OSBPL9: variants seen among roughly 807,000 people sequenced by gnomAD.
OSBPL9 encodes the protein oxysterol-binding protein-related protein 9.
OSBPL9 carries 40 observed loss-of-function variants against 106.6 expected under a neutral mutation model. The observed-to-expected ratio is 0.38, with a 90% CI of 0.29 to 0.49. The LOEUF is 0.49. Among genes scored for constraint, OSBPL9 ranks in the 20% least tolerant of loss-of-function variants. OSBPL9 has a pLI of 0.97. For missense variants in OSBPL9, 609 were observed against 887.2 expected, an observed-to-expected ratio of 0.69 and a Z score of 3.98; for synonymous variants, 269 against 295.4, an observed-to-expected ratio of 0.91 and a Z score of 0.92.
At chr1:51,615,390 C>T (rs187671477), upstream of OSBPL9, among the ~76,000 whole-genome samples, 26 of 152,328 alleles carry the variant, frequency 1.7e-4, no homozygotes, top group African/African-American at 6.0e-4. Flanking sequence ...GATAAAGTAT[C>T]TCTGCTAGTA....
chr1:51,531,550 A>G, the OSBPL9 span, among the ~76,000 whole-genome samples: 1 of 152,216 alleles, frequency 6.6e-6, no homozygotes. Context: ...ATTTTGCCTG[A>G]GCAACTGGAT....
the OSBPL9 span, among the ~76,000 whole-genome samples, chr1:51,556,081 C>G: frequency 6.7e-6 from 1 of 149,196 alleles, no homozygotes; most frequent in Non-Finnish European, 1.5e-5. Context: ...TGATCTCGGG[C>G]AAGTTTGCTC....
At chr1:51,617,681 G>C (rs1340829669) in intron 1 of OSBPL9, among the ~76,000 whole-genome samples, 1 of 152,124 alleles carries the variant, frequency 6.6e-6, no homozygotes, top group African/African-American at 2.4e-5. Context: ...CGGAGGAGTG[G>C]CCAGAGGAGC....
At chr1:51,711,793 G>T (rs554791497) in intron 3 of OSBPL9, among the ~76,000 whole-genome samples, 2 of 150,000 alleles carry the variant, frequency 1.3e-5, no homozygotes, top group Non-Finnish European at 3.0e-5. Flanking sequence ...GGGCAGAGGC[G>T]CTCCCCACAT....
chr1:51,685,566 G>C (rs529443509), intron 3 of OSBPL9, among the ~76,000 whole-genome samples: 194 of 152,082 alleles, frequency 1.3e-3, no homozygotes, highest in African/African-American at 4.3e-3. Context: ...CCACCACACC[G>C]TCTAATTTTT....
At chr1:51,595,580 G>C (rs1016620604) in intron 1 of OSBPL9, among the ~76,000 whole-genome samples, 4 of 152,190 alleles carry the variant, frequency 2.6e-5, no homozygotes, top group African/African-American at 9.6e-5. Flanking sequence ...GAGGAGCAGA[G>C]AGAAGACCAT....
At chr1:51,715,056 T>C (rs1660781684) in intron 4 of OSBPL9, among the ~76,000 whole-genome samples, 1 of 152,256 alleles carries the variant, frequency 6.6e-6, no homozygotes, top group Non-Finnish European at 1.5e-5. Flanking sequence ...GATTTTGTTT[T>C]AATTTAGAAA....
chr1:51,724,292 T>C (rs1432131516), intron 4 of OSBPL9, among the ~76,000 whole-genome samples: 2 of 152,160 alleles, frequency 1.3e-5, no homozygotes, highest in Non-Finnish European at 2.9e-5. Flanking sequence ...TTCTTTTTTT[T>C]CTTCTTTTTG....
rs1677503173 is a variant in OSBPL9, at chr1:51,785,904, G to A, written c.1908+18G>A. ...CAACAGGGGTAAGATCCTCTATTTT[G>A]CCACTTGTTTTAGGCTACATTAGAT... On this transcript the variant is annotated intron_variant, in intron 21 of 23. Transcript: ENST00000428468. The A allele has an allele frequency of 6.2e-7, 1 of 1,602,866 alleles. No individual in the cohort carries two copies. The highest frequency in any genetic ancestry group is 8.5e-7 in the Non-Finnish European group (1 of 1,172,856).
At chr1:51,746,909 A>G (rs113148627) in intron 6 of OSBPL9, 152 bp downstream of exon 6, 4 of 602,724 alleles carry the variant, frequency 6.6e-6, no homozygotes, top group African/African-American at 3.7e-5. Flanking sequence ...TACTTTTCTG[A>G]TAAATTTCTG....
intron 2 of OSBPL9, among the ~76,000 whole-genome samples, chr1:51,669,025 G>A (rs1002252554): frequency 2.0e-5 from 3 of 152,174 alleles, no homozygotes; most frequent in Non-Finnish European, 4.4e-5. Context: ...TATCACAGAA[G>A]CAGCCTGCTG....
chr1:51,636,440 C>G (rs1431696679), intron 1 of OSBPL9, among the ~76,000 whole-genome samples: 1 of 151,444 alleles, frequency 6.6e-6, no homozygotes, highest in Non-Finnish European at 1.5e-5. Flanking sequence ...TAGGCTGAAA[C>G]CATCCTCCCA....
intron 4 of OSBPL9, among the ~76,000 whole-genome samples, chr1:51,714,467 A>G (rs536717444): frequency 2.0e-5 from 3 of 152,340 alleles, no homozygotes; most frequent in South Asian, 4.1e-4. Flanking sequence ...GGATTTGGCT[A>G]TTACCGTATG....
chr1:51,582,608 G>A (rs1645227062), intron 1 of OSBPL9, among the ~76,000 whole-genome samples: 2 of 152,112 alleles, frequency 1.3e-5, no homozygotes, highest in African/African-American at 4.8e-5. Context: ...AGGATTACAG[G>A]TGTGAGCAAC....
At chr1:51,579,730 G>C (rs1645209946) in intron 1 of OSBPL9, among the ~76,000 whole-genome samples, 1 of 151,872 alleles carries the variant, frequency 6.6e-6, no homozygotes, top group Non-Finnish European at 1.5e-5. Flanking sequence ...GCATGGTGGT[G>C]CATGCCTGTA....
chr1:51,568,949 G>T, the OSBPL9 span, among the ~76,000 whole-genome samples: 17 of 152,170 alleles, frequency 1.1e-4, no homozygotes. Flanking sequence ...CTGACCTCAA[G>T]TGATCTACCC....
intron 3 of OSBPL9, among the ~76,000 whole-genome samples, chr1:51,686,474 T>C (rs571222167): frequency 4.3e-4 from 66 of 152,344 alleles, no homozygotes; most frequent in African/African-American, 1.3e-3. Context: ...TGCTGTTCTC[T>C]CTCCTAAACA....
intron 2 of OSBPL9, among the ~76,000 whole-genome samples, chr1:51,611,746 G>A (rs554454211): frequency 6.6e-6 from 1 of 152,256 alleles, no homozygotes; most frequent in African/African-American, 2.4e-5. Context: ...CAAGGGGTGG[G>A]GGGTGGATCA....
the OSBPL9 span, among the ~76,000 whole-genome samples, chr1:51,550,503 T>C: frequency 4.6e-5 from 7 of 152,178 alleles, no homozygotes; most frequent in Non-Finnish European, 1.0e-4. Flanking sequence ...ACATACGTTT[T>C]TATTTTATTT....
Sources: gnomAD v4.1 joint callset for allele counts (sites outside exome capture counted in the v4.1 genomes callset) on GRCh38, gnomAD v4.1.1 for gene constraint, MANE v1.5 for transcripts, NCBI Gene and HGNC (gene_info 2026-07-23, HGNC 2026-07-21) for gene names.